USP37: variants seen among roughly 807,000 people sequenced by gnomAD.
USP37 encodes the protein ubiquitin specific peptidase 37.
In USP37, 27 loss-of-function variants were observed where a neutral mutation model predicts 124.0. The observed-to-expected ratio is 0.22, with a 90% confidence interval of 0.16 to 0.30. USP37 has a LOEUF of 0.30. Among genes scored for constraint, USP37 ranks in the 10% least tolerant of loss-of-function variants. The pLI is 1.00. For synonymous variants in USP37, 365 were observed against 388.0 expected (o/e 0.94, Z 0.70); for missense variants, 889 against 1,140.4 (o/e 0.78, Z 3.17).
chr2:218,534,034 C>T (rs1691481246), intron 9 of USP37, among the ~76,000 whole-genome samples: 1 of 152,134 alleles, frequency 6.6e-6, no homozygotes, highest in South Asian at 2.1e-4. Flanking sequence ...ATTCTATGGT[C>T]CTGGTACTTT....
At chr2:218,512,309 A>C (rs1690043869) in intron 10 of USP37, among the ~76,000 whole-genome samples, 1 of 152,032 alleles carries the variant, frequency 6.6e-6, no homozygotes. Context: ...GAGTTTGAGA[A>C]CAGCCTGGCC....
chr2:218,519,884 T>C (rs969068397), intron 10 of USP37, among the ~76,000 whole-genome samples: 26 of 151,996 alleles, frequency 1.7e-4, no homozygotes, highest in African/African-American at 5.8e-4. Context: ...ATTACAGGCG[T>C]GAGCCACCAC....
intron 23 of USP37, 100 bp from the exon 24 acceptor site, chr2:218,457,261 G>T (rs779198068): frequency 8.7e-5 from 100 of 1,150,270 alleles, no homozygotes; most frequent in Non-Finnish European, 1.2e-4. Context: ...CTAAGCTTTG[G>T]TATGTGGCAT....
At chr2:218,508,267 G>GC (rs1553547556) in intron 11 of USP37, among the ~76,000 whole-genome samples, 68 of 142,908 alleles carry the variant, frequency 4.8e-4, no homozygotes, top group Non-Finnish European at 7.8e-4. Flanking sequence ...TTTCTACTCA[G>GC]TTTTTTTTTC....
Position 218,488,196 on chromosome 2 carries a change from A to AG in USP37, c.1590+107_1590+108insC, listed in dbSNP as rs1553541931. ...GTCTCAAAAAAAAAAAAAAAAAAAA[A>AG]AGAAAAGAAAAGAAACTTTGCCTTG... On this transcript the variant is annotated intron_variant, in intron 15 of 25. Coordinates refer to ENST00000258399, the MANE Select transcript of USP37 (RefSeq NM_020935.3). 5.5e-5 allele frequency: 32 copies of AG among 585,970 alleles called. 1 individual carries two copies. The African/African-American group carries it at 6.3e-4, about 12-fold the overall frequency. 36.3% of individuals were successfully genotyped at this position (585,970 alleles called of 1,614,324 possible).
chr2:218,524,702 T>A (rs1316754902), intron 10 of USP37, among the ~76,000 whole-genome samples: 1 of 152,194 alleles, frequency 6.6e-6, no homozygotes. Context: ...CTCTGCCTCC[T>A]GGGTTCAAGT....
chr2:218,478,512 T>C (rs1019346351), intron 18 of USP37, among the ~76,000 whole-genome samples: 3 of 152,238 alleles, frequency 2.0e-5, no homozygotes, highest in African/African-American at 7.2e-5. Flanking sequence ...TTGATCGGCA[T>C]GACAGGTCTT....
At chr2:218,548,366 AG>A (rs1380055074) in intron 6 of USP37, among the ~76,000 whole-genome samples, 5 of 151,686 alleles carry the variant, frequency 3.3e-5, no homozygotes, top group African/African-American at 1.2e-4. Flanking sequence ...TTTAAGACAG[AG>A]TCTTACTCTG....
chr2:218,488,930 C>T (rs573977876), intron 14 of USP37, among the ~76,000 whole-genome samples: 3 of 152,058 alleles, frequency 2.0e-5, no homozygotes, highest in Admixed American at 6.5e-5. Flanking sequence ...CCACCACGCC[C>T]GGCCAATTTT....
At chr2:218,466,211 T>G (rs1377994569) in intron 20 of USP37, 35 bp from the exon 21 acceptor site, 1 of 1,561,902 alleles carries the variant, frequency 6.4e-7, no homozygotes, top group African/African-American at 1.4e-5. Flanking sequence ...ATTTGGAAAA[T>G]CCTAATAAAT....
At chr2:218,555,519 T>G (rs1692919265) in intron 4 of USP37, among the ~76,000 whole-genome samples, 1 of 152,112 alleles carries the variant, frequency 6.6e-6, no homozygotes, top group Non-Finnish European at 1.5e-5. Context: ...AAAAGGAAAA[T>G]AGATAACATT....
chr2:218,473,789 A>G (rs1476460800), intron 20 of USP37, among the ~76,000 whole-genome samples: 1 of 152,274 alleles, frequency 6.6e-6, no homozygotes, highest in African/African-American at 2.4e-5. Flanking sequence ...TTTTATGTAC[A>G]GTCATGTGTT....
chr2:218,476,496 G>A (rs1690989332), intron 19 of USP37, among the ~76,000 whole-genome samples: 1 of 152,072 alleles, frequency 6.6e-6, no homozygotes. Context: ...GATTGTTTGA[G>A]CCCAGGAGAA....
In USP37 at chr2:218,545,564, T is replaced by G. The variant is rs56254745; in HGVS notation, c.680+657A>C. Among the ~76,000 whole-genome samples, 1,158 of 152,270 alleles carry G rather than the reference T, an allele frequency of 7.6e-3. 18 individuals carry two copies. The highest frequency in any genetic ancestry group is 0.026 in the African/African-American group (1,089 of 41,538). On this transcript the variant is annotated intron_variant, in intron 8 of 25. Coordinates refer to ENST00000258399, the MANE Select transcript of USP37 (RefSeq NM_020935.3). ...AAAGTTTCTTTGGCTTTTTCCCAAC[T>G]CCTTTCTAGTGACCTCTTGACCTCA...
At chr2:218,458,265 A>AAC (rs1559158949) in intron 23 of USP37, among the ~76,000 whole-genome samples, 1 of 145,066 alleles carries the variant, frequency 6.9e-6, no homozygotes, top group South Asian at 2.2e-4. Context: ...AAAAAAAAAA[A>AAC]AAAAAAAAAA....
rs1689453203 is a variant in USP37, at chr2:218,450,610, C to T, written c.*4320G>A. 1 of 152,512 alleles carries T rather than the reference C, an allele frequency of 6.6e-6. No homozygotes were observed. Among genetic ancestry groups the T allele is most frequent in the South Asian group, 2.1e-4 (1 of 4,834 alleles). The allele number at this position is 152,512 out of a possible 1,614,324, so 9.4% of individuals were successfully genotyped here. A position where few individuals can be genotyped will look rare whatever the true frequency, so the allele number is the denominator to read the frequency against. On this transcript the variant is annotated 3_prime_UTR_variant, in exon 26 of 26. Transcript: ENST00000258399. ...AAAGAAAAGCTCAAAGGGAGGGAAA[C>T]CTGGGGACAAGAGGTGTGCACACCC... is the stretch of plus-strand genomic sequence containing the variant.
chr2:218,488,444 G>T, intron 14 of USP37, 23 bp from the exon 15 acceptor site: 1 of 1,504,016 alleles, frequency 6.6e-7, no homozygotes, highest in South Asian at 1.2e-5. Context: ...AATGAGACAT[G>T]TAAGCATTTA....
intron 11 of USP37, among the ~76,000 whole-genome samples, chr2:218,508,185 A>T (rs557709357): frequency 6.6e-6 from 1 of 151,772 alleles, no homozygotes; most frequent in African/African-American, 2.4e-5. Context: ...GGTTAATCTT[A>T]TGGTTTTTTT....
At chr2:218,510,185 ATAC>A in intron 10 of USP37, 45 bp from the exon 11 acceptor site, 1 of 1,579,802 alleles carries the variant, frequency 6.3e-7, no homozygotes, top group Non-Finnish European at 8.6e-7. Flanking sequence ...AAATTTTTGA[ATAC>A]TACTATTTTC....
Sources: allele counts gnomAD v4.1 joint callset (sites outside exome capture counted in the v4.1 genomes callset), GRCh38; gene constraint gnomAD v4.1.1; transcripts MANE v1.5; gene names NCBI Gene and HGNC (gene_info 2026-07-23, HGNC 2026-07-21).